GPM6A: variants seen among roughly 807,000 people sequenced by gnomAD.
GPM6A encodes neuronal membrane glycoprotein M6-a.
A neutral mutation model predicts 32.1 loss-of-function variants in GPM6A; 7 were observed. The ratio of observed to expected loss-of-function variants is 0.22; its 90% CI spans 0.12 to 0.41. The LOEUF is 0.41. GPM6A is among the 10% of genes least tolerant of loss of function. GPM6A has a pLI of 1.00. For synonymous variants in GPM6A, 130 were observed against 123.4 expected (o/e 1.05, Z -0.35); for missense variants, 235 against 347.2 (o/e 0.68, Z 2.57).
chr4:175,998,615 C>G (rs1161221267), intron 1 of GPM6A, among the ~76,000 whole-genome samples: 1 of 152,204 alleles, frequency 6.6e-6, no homozygotes, highest in East Asian at 1.9e-4. Flanking sequence ...ATCTTCTATT[C>G]ATTCTCTTAT....
chr4:175,970,538 GA>G (rs1740469919), intron 1 of GPM6A, among the ~76,000 whole-genome samples: 2 of 152,190 alleles, frequency 1.3e-5, no homozygotes, highest in Non-Finnish European at 2.9e-5. Flanking sequence ...GGAATACACA[GA>G]AAGAGTTGGA....
intron 1 of GPM6A, among the ~76,000 whole-genome samples, chr4:175,940,431 A>C (rs1316538769): frequency 6.6e-6 from 1 of 152,162 alleles, no homozygotes; most frequent in African/African-American, 2.4e-5. Context: ...AATAGTAATA[A>C]TAGCACTATC....
intron 1 of GPM6A, among the ~76,000 whole-genome samples, chr4:175,735,622 T>C (rs897105557): frequency 2.2e-4 from 34 of 151,862 alleles, no homozygotes; most frequent in African/African-American, 8.2e-4. Flanking sequence ...TGCAGTGGTG[T>C]GATCTCAGCT....
At chr4:175,996,594 A>G (rs542755995) in intron 1 of GPM6A, among the ~76,000 whole-genome samples, 78 of 152,334 alleles carry the variant, frequency 5.1e-4, no homozygotes, top group African/African-American at 1.6e-3. Flanking sequence ...TTTTATTTGA[A>G]ACTATTTTGA....
intron 3 of GPM6A, among the ~76,000 whole-genome samples, chr4:175,672,427 T>C (rs1380525175): frequency 6.6e-6 from 1 of 152,214 alleles, no homozygotes; most frequent in Non-Finnish European, 1.5e-5. Context: ...AGCCAATTAC[T>C]ATATAACTCA....
chr4:175,662,291 T>C (rs1480098599), intron 3 of GPM6A, among the ~76,000 whole-genome samples: 4 of 152,088 alleles, frequency 2.6e-5, no homozygotes, highest in Non-Finnish European at 1.5e-5. Flanking sequence ...CTTCGCTTTC[T>C]TTCTCACTTA....
chr4:175,967,956 TCA>T (rs1255379849), intron 1 of GPM6A, among the ~76,000 whole-genome samples: 7,723 of 152,220 alleles, frequency 0.051, 634 homozygotes, highest in African/African-American at 0.17. Flanking sequence ...AAATACAACA[TCA>T]ACAGCACGAT....
chr4:175,952,974 G>A (rs1739864641), intron 1 of GPM6A, among the ~76,000 whole-genome samples: 1 of 149,556 alleles, frequency 6.7e-6, no homozygotes, highest in Non-Finnish European at 1.5e-5. Context: ...AGGCTGCAGT[G>A]AGCCAAGATC....
intron 1 of GPM6A, among the ~76,000 whole-genome samples, chr4:175,912,288 G>A (rs1020162639): frequency 5.9e-5 from 9 of 152,106 alleles, no homozygotes; most frequent in Admixed American, 5.2e-4. Context: ...CAAGGAAGAT[G>A]AGAAATACTC....
At chr4:175,860,886 T>C (rs1056138338) in intron 1 of GPM6A, among the ~76,000 whole-genome samples, 1 of 152,198 alleles carries the variant, frequency 6.6e-6, no homozygotes, top group African/African-American at 2.4e-5. Flanking sequence ...TTAAGGCTAC[T>C]CTTTATGTGT....
intron 1 of GPM6A, among the ~76,000 whole-genome samples, chr4:175,791,947 C>A (rs755384997): frequency 6.6e-6 from 1 of 152,094 alleles, no homozygotes. Flanking sequence ...TTTGATACCA[C>A]AACCTGTGGT....
rs561802873 is a variant in GPM6A at position 175,944,082 on chromosome 4, T to A, written c.-23+58227A>T. Reference sequence around the variant, plus strand: ...AACTTGTTATTGGTCTATTCATGGATTTGACTTCTTCCTGGTTTAGTCTTG... The same window carrying A: ...AACTTGTTATTGGTCTATTCATGGAATTGACTTCTTCCTGGTTTAGTCTTG... On this transcript the variant is annotated intron_variant, in intron 1 of 7. Coordinates refer to the GPM6A transcript ENST00000280187. Among the ~76,000 whole-genome samples, 226 of 152,328 alleles carry A rather than the reference T, an allele frequency of 1.5e-3. 1 individual carries two copies. Among genetic ancestry groups the A allele is most frequent in the African/African-American group, 5.2e-3 (218 of 41,574 alleles).
Position 175,636,287 on chromosome 4 carries a change from T to TATATAC in GPM6A, c.685-1231_685-1230insGTATAT, listed in dbSNP as rs1560840535. Among the ~76,000 whole-genome samples the TATATAC allele has an allele frequency of 3.2e-5, 4 of 123,152 alleles. 1 individual carries two copies. In the South Asian group the frequency reaches 9.9e-4, roughly 31 times the overall value. The allele number at this position is 123,152 out of a possible 152,430, so 80.8% of individuals were successfully genotyped here. ...ATATATATATATATATATATATATA[T>TATATAC]ATATATATATACATATATATATGGA... is the stretch of plus-strand genomic sequence containing the variant. On this transcript the variant is annotated intron_variant, in intron 6 of 6. Coordinates refer to ENST00000393658, the MANE Select transcript of GPM6A (RefSeq NM_201591.3).
intron 1 of GPM6A, among the ~76,000 whole-genome samples, chr4:175,714,017 CT>C (rs1426480043): frequency 6.6e-6 from 1 of 151,818 alleles, no homozygotes; most frequent in African/African-American, 2.4e-5. Flanking sequence ...TTAATAATAT[CT>C]TTTAATTTTT....
intron 1 of GPM6A, among the ~76,000 whole-genome samples, chr4:175,745,435 A>C (rs1490655890): frequency 6.6e-6 from 1 of 152,204 alleles, no homozygotes; most frequent in African/African-American, 2.4e-5. Context: ...AAAGATAAAA[A>C]ACATGAGCTT....
At chr4:175,830,572 G>T (rs1735578531) in intron 1 of GPM6A, among the ~76,000 whole-genome samples, 1 of 152,034 alleles carries the variant, frequency 6.6e-6, no homozygotes, top group African/African-American at 2.4e-5. Flanking sequence ...AGGCATAAAG[G>T]ATTTAAGTGA....
At chr4:175,964,826 C>T (rs925641898) in intron 1 of GPM6A, among the ~76,000 whole-genome samples, 3 of 152,068 alleles carry the variant, frequency 2.0e-5, no homozygotes, top group African/African-American at 4.8e-5. Context: ...AAGGTTATCA[C>T]GGATAAAGAG....
At chr4:175,719,479 CA>C (rs570713783) in intron 1 of GPM6A, among the ~76,000 whole-genome samples, 7 of 152,228 alleles carry the variant, frequency 4.6e-5, no homozygotes, top group Middle Eastern at 6.8e-3. Flanking sequence ...TTTCCTACAT[CA>C]AAATGTTATT....
At chr4:175,947,450 GAAT>G (rs1739646880) in intron 1 of GPM6A, among the ~76,000 whole-genome samples, 1 of 151,730 alleles carries the variant, frequency 6.6e-6, no homozygotes, top group South Asian at 2.1e-4. Flanking sequence ...ACATTCTTAA[GAAT>G]AATATTTATT....
Sources: gnomAD v4.1 joint callset for allele counts (sites outside exome capture counted in the v4.1 genomes callset) on GRCh38, gnomAD v4.1.1 for gene constraint, MANE v1.5 for transcripts, NCBI Gene and HGNC (gene_info 2026-07-23, HGNC 2026-07-21) for gene names.